Variants in CSMD1 observed in about 807,000 individuals in gnomAD.
CSMD1 encodes the protein CUB and Sushi multiple domains 1, also known as CUB and sushi domain-containing protein 1.
Under a neutral mutation model 417.5 loss-of-function variants are expected in CSMD1, and 213 were observed. That is an observed-to-expected ratio of 0.51 (90% CI 0.46 to 0.57). The LOEUF is 0.57. Ranked by LOEUF, CSMD1 falls within the 20% of genes least tolerant of loss-of-function variation. The pLI is 0.00. For missense variants in CSMD1, 6,923 were observed against 4,529.7 expected (o/e 1.53, Z -15.17); for synonymous variants, 2,862 against 1,736.8 (o/e 1.65, Z -16.11).
At chr8:4,914,343 G>A (rs1325758702) in intron 1 of CSMD1, among the ~76,000 whole-genome samples, 2 of 152,120 alleles carry the variant, frequency 1.3e-5, no homozygotes, top group African/African-American at 4.8e-5. Flanking sequence ...TTGGGAGACT[G>A]AGGCAGGCAG....
intron 7 of CSMD1, among the ~76,000 whole-genome samples, chr8:3,687,296 T>C (rs1277952505): frequency 6.6e-6 from 1 of 152,204 alleles, no homozygotes; most frequent in Non-Finnish European, 1.5e-5. Context: ...TTACCCCATG[T>C]ATGATGGATG....
At chr8:3,497,316 G>C (rs1357088407) in intron 10 of CSMD1, among the ~76,000 whole-genome samples, 3 of 151,942 alleles carry the variant, frequency 2.0e-5, no homozygotes, top group Admixed American at 6.6e-5. Flanking sequence ...TATATATCTG[G>C]GGTCTCTGGT....
intron 1 of CSMD1, among the ~76,000 whole-genome samples, chr8:4,981,467 TATC>T (rs1810884103): frequency 6.6e-6 from 1 of 152,240 alleles, no homozygotes; most frequent in South Asian, 2.1e-4. Context: ...CAAAACCTGA[TATC>T]ATCAATTAGA....
At chr8:4,979,841 T>C (rs996849598) in intron 1 of CSMD1, among the ~76,000 whole-genome samples, 3 of 152,048 alleles carry the variant, frequency 2.0e-5, no homozygotes, top group Admixed American at 2.0e-4. Context: ...ATCTAGATCA[T>C]CCTGGCTAAC....
chr8:4,486,727 TC>T (rs147044227), intron 2 of CSMD1, among the ~76,000 whole-genome samples: 6,824 of 152,074 alleles, frequency 0.045, 418 homozygotes, highest in African/African-American at 0.14. Flanking sequence ...CAAAGAGGGT[TC>T]CCCTTCATGG....
chr8:3,780,302 C>T (rs573305876), intron 5 of CSMD1, among the ~76,000 whole-genome samples: 22 of 152,212 alleles, frequency 1.4e-4, no homozygotes, highest in South Asian at 1.2e-3. Flanking sequence ...GTTCGTATTC[C>T]GCAAATGAGT....
chr8:4,419,429 A>C (rs1797125896), intron 3 of CSMD1, among the ~76,000 whole-genome samples: 1 of 152,192 alleles, frequency 6.6e-6, no homozygotes, highest in Non-Finnish European at 1.5e-5. Flanking sequence ...AATACCTCAA[A>C]GGTATCTAGG....
intron 49 of CSMD1, among the ~76,000 whole-genome samples, chr8:3,067,190 T>C (rs1812993343): frequency 6.6e-6 from 1 of 152,118 alleles, no homozygotes; most frequent in African/African-American, 2.4e-5. Context: ...CGTGGCAATG[T>C]TATTCCCAGG....
intron 2 of CSMD1, among the ~76,000 whole-genome samples, chr8:4,454,315 G>A (rs534818410): frequency 2.0e-5 from 3 of 152,068 alleles, no homozygotes; most frequent in Non-Finnish European, 2.9e-5. Flanking sequence ...CTCTTCTTCC[G>A]CATCCTTGTC....
intron 10 of CSMD1, among the ~76,000 whole-genome samples, chr8:3,568,267 T>G (rs1038026005): frequency 1.3e-5 from 2 of 152,192 alleles, no homozygotes; most frequent in South Asian, 2.1e-4. Flanking sequence ...TTTGTTTTAC[T>G]CATCAGAACA....
chr8:4,972,324 A>C (rs1810289398), intron 1 of CSMD1, among the ~76,000 whole-genome samples: 1 of 152,062 alleles, frequency 6.6e-6, no homozygotes, highest in African/African-American at 2.4e-5. Context: ...ACTCCCGATA[A>C]TCCCCAAGTG....
chr8:4,032,084 G>A lies in CSMD1; in HGVS notation c.431C>T (p.Thr144Ile), dbSNP rs748653004. The change falls in exon 4 of 70, where the codon ACT (threonine) becomes ATT (isoleucine). Residue 144 changes from threonine to isoleucine, a missense_variant. By Grantham distance (89) the Thr-to-Ile change is moderately conservative. Transcript: ENST00000635120. ...KALYEVLPSH[T>I]CGNPGEILKG... The stretch of plus-strand genomic sequence containing the variant: ...CAGGATTTCTCCAGGATTTCCACAA[G>A]TGTGGCTAGGTAAAACTATTGGAAA... 6.2e-7 allele frequency: 1 copy of A among 1,611,242 alleles called. No individual in the cohort carries two copies. The highest frequency in any genetic ancestry group is 8.5e-7 in the Non-Finnish European group (1 of 1,178,006).
chr8:4,484,980 C>CAAAAAAAAAAAAAAAAAAAAAAAAAA (rs57398278), intron 2 of CSMD1, among the ~76,000 whole-genome samples: 2 of 53,940 alleles, frequency 3.7e-5, no homozygotes, highest in South Asian at 1.1e-3. Context: ...GACTCTGCCT[C>CAAAAAAAAAAAAAAAAAAAAAAAAAA]AAAAAAAAAA....
intron 5 of CSMD1, among the ~76,000 whole-genome samples, chr8:3,801,370 C>A (rs1800450388): frequency 6.6e-6 from 1 of 152,006 alleles, no homozygotes; most frequent in South Asian, 2.1e-4. Context: ...TGCTAAAGAT[C>A]ATTAGTCATT....
intron 2 of CSMD1, among the ~76,000 whole-genome samples, chr8:4,542,071 C>A (rs1303166653): frequency 6.6e-6 from 1 of 152,080 alleles, no homozygotes; most frequent in African/African-American, 2.4e-5. Context: ...TGGGCGCCCT[C>A]TAGCTTCTTA....
At chr8:4,512,180 A>T (rs1025991636) in intron 2 of CSMD1, among the ~76,000 whole-genome samples, 1 of 152,196 alleles carries the variant, frequency 6.6e-6, no homozygotes. Flanking sequence ...TTAAAGAAAA[A>T]ATCACATGAT....
At chr8:4,827,856 G>A (rs1371645567) in intron 1 of CSMD1, among the ~76,000 whole-genome samples, 2 of 152,054 alleles carry the variant, frequency 1.3e-5, no homozygotes, top group Non-Finnish European at 2.9e-5. Flanking sequence ...TAGTTTACTT[G>A]CCCTTTACCA....
chr8:3,062,806 A>C (rs1295023833), intron 49 of CSMD1, among the ~76,000 whole-genome samples: 1 of 152,192 alleles, frequency 6.6e-6, no homozygotes, highest in Non-Finnish European at 1.5e-5. Context: ...AAGCCTCTAG[A>C]ATGTTTACTC....
chr8:4,765,150 T>A (rs1437359171), intron 1 of CSMD1, among the ~76,000 whole-genome samples: 1 of 152,168 alleles, frequency 6.6e-6, no homozygotes, highest in African/African-American at 2.4e-5. Context: ...ACAGTTAATA[T>A]AGCTCGTGAC....
Sources: gnomAD v4.1 joint callset for allele counts (sites outside exome capture counted in the v4.1 genomes callset) on GRCh38, gnomAD v4.1.1 for gene constraint, MANE v1.5 for transcripts, NCBI Gene and HGNC (gene_info 2026-07-23, HGNC 2026-07-21) for gene names.